Variants in PTPRN2 observed in about 807,000 individuals in gnomAD.
PTPRN2 encodes the protein receptor-type tyrosine-protein phosphatase N2.
Under a neutral mutation model 118.8 loss-of-function variants are expected in PTPRN2, and 74 were observed. The ratio of observed to expected loss-of-function variants is 0.62; its 90% CI spans 0.52 to 0.76. The LOEUF (loss-of-function observed/expected upper bound fraction) is 0.76, where lower values mean the gene tolerates loss of function less well. PTPRN2 is among the 30% of genes least tolerant of loss of function. PTPRN2 has a pLI of 0.00. For missense variants in PTPRN2, 1,481 were observed against 1,394.4 expected (o/e 1.06, Z -0.99); for synonymous variants, 641 against 608.0 (o/e 1.05, Z -0.80).
intron 11 of PTPRN2, chr7:158,029,285 G>T (rs903241070): frequency 6.6e-6 from 1 of 152,094 alleles, no homozygotes; most frequent in African/African-American, 2.4e-5. Context: ...AGGGCATGGG[G>T]TTCATATCCT....
chr7:157,545,887 G>A (rs1055899306), intron 22 of PTPRN2, among the ~76,000 whole-genome samples: 1 of 152,168 alleles, frequency 6.6e-6, no homozygotes, highest in African/African-American at 2.4e-5. Context: ...CCTCCTCTTG[G>A]CTTCGTAGAA....
chr7:158,140,269 G>A (rs1423961205), intron 6 of PTPRN2, among the ~76,000 whole-genome samples: 2 of 152,214 alleles, frequency 1.3e-5, no homozygotes, highest in African/African-American at 2.4e-5. Flanking sequence ...CGAGGAGACT[G>A]TTTCAAAGGC....
chr7:157,746,820 C>T (rs1044276544), intron 12 of PTPRN2, among the ~76,000 whole-genome samples: 10 of 152,052 alleles, frequency 6.6e-5, no homozygotes, highest in African/African-American at 9.7e-5. Flanking sequence ...TGTGGGAATC[C>T]GCATGTGTTG....
chr7:157,686,399 T>A (rs2150820510), intron 12 of PTPRN2, among the ~76,000 whole-genome samples: 1 of 152,348 alleles, frequency 6.6e-6, no homozygotes, highest in Middle Eastern at 3.4e-3. Flanking sequence ...AACTTTACAA[T>A]GACTTGACTC....
At chr7:157,666,445 T>C (rs1186395948) in intron 13 of PTPRN2, among the ~76,000 whole-genome samples, 1 of 151,478 alleles carries the variant, frequency 6.6e-6, no homozygotes, top group African/African-American at 2.4e-5. Flanking sequence ...AAAATATCAA[T>C]GATTATAATG....
intron 12 of PTPRN2, among the ~76,000 whole-genome samples, chr7:157,747,833 T>TG: frequency 2.3e-5 from 3 of 133,258 alleles, no homozygotes; most frequent in Non-Finnish European, 3.2e-5. Context: ...GTCCCTGAGC[T>TG]TTGGGCTGTC....
intron 3 of PTPRN2, among the ~76,000 whole-genome samples, chr7:158,312,196 ACT>A (rs369705116): frequency 1.0e-5 from 1 of 98,078 alleles, no homozygotes; most frequent in Non-Finnish European, 2.2e-5. Flanking sequence ...ATGTGTAGAC[ACT>A]CACATGCACA....
chr7:158,421,800 G>A (rs541026555), intron 2 of PTPRN2, among the ~76,000 whole-genome samples: 1 of 152,290 alleles, frequency 6.6e-6, no homozygotes, highest in South Asian at 2.1e-4. Context: ...AAATTAAAAA[G>A]TTTTACATTT....
chr7:158,090,112 C>G lies in PTPRN2; in HGVS notation c.1644-8735G>C, dbSNP rs1258602498. On this transcript the variant is annotated intron_variant, in intron 10 of 22. Coordinates refer to ENST00000389418, the MANE Select transcript of PTPRN2 (RefSeq NM_002847.5). ...GGTCTTCACACACATCCTTCTTCCC[C>G]TGACAAAAGAGGGAGTCTTCACACA... is the stretch of plus-strand genomic sequence containing the variant. Among the ~76,000 whole-genome samples the G allele has an allele frequency of 4.2e-5, 6 of 142,686 alleles. 3 individuals carry two copies. Among genetic ancestry groups the G allele is most frequent in the African/African-American group, 1.6e-4 (6 of 37,100 alleles). 93.6% of individuals were successfully genotyped at this position (142,686 alleles called of 152,430 possible).
chr7:158,527,374 C>T (rs55919845), intron 1 of PTPRN2, among the ~76,000 whole-genome samples: 6,166 of 152,258 alleles, frequency 0.04, 437 homozygotes, highest in African/African-American at 0.14. Context: ...CCTGCGTCTC[C>T]GTGTCCAGTC....
chr7:157,564,031 G>A (rs1248981899), intron 21 of PTPRN2, among the ~76,000 whole-genome samples: 1 of 152,208 alleles, frequency 6.6e-6, no homozygotes, highest in Admixed American at 6.5e-5. Context: ...GCCCTTAAAA[G>A]TTAAGAGAAT....
intron 9 of PTPRN2, among the ~76,000 whole-genome samples, chr7:158,128,105 C>A (rs185992916): frequency 6.6e-6 from 1 of 152,248 alleles, no homozygotes; most frequent in African/African-American, 2.4e-5. Context: ...TGTGGGACAA[C>A]CAAATGTACA....
intron 14 of PTPRN2, among the ~76,000 whole-genome samples, chr7:157,642,697 G>A (rs1804748748): frequency 6.6e-6 from 1 of 151,626 alleles, no homozygotes. Flanking sequence ...CTTTTACCAA[G>A]TTTAATGTTT....
rs187145794 is a variant in PTPRN2, at chr7:158,161,909, A to G, written c.910+5022T>C. Among the ~76,000 whole-genome samples, 14 of 152,376 alleles carry G rather than the reference A, an allele frequency of 9.2e-5. No individual in the cohort carries two copies. The East Asian group carries it at 2.7e-3, about 29-fold the overall frequency. The stretch of plus-strand genomic sequence containing the variant: ...CAACAATAAGAAAACAAACAGCCTA[A>G]TTAAAACATGGCCCAGAGACCACCA... On this transcript the variant is annotated intron_variant, in intron 6 of 22. Transcript: ENST00000389418.
At chr7:158,270,841 T>TCCTC (rs1161533613) in intron 3 of PTPRN2, among the ~76,000 whole-genome samples, 1 of 4,588 alleles carries the variant, frequency 2.2e-4, no homozygotes. Flanking sequence ...GATGACCCCC[T>TCCTC]CACCTGGACC....
At chr7:157,657,769 CA>C in intron 13 of PTPRN2, among the ~76,000 whole-genome samples, 1 of 135,118 alleles carries the variant, frequency 7.4e-6, no homozygotes, top group Non-Finnish European at 1.6e-5. Flanking sequence ...ACACACCACA[CA>C]CATCACACAT....
At chr7:158,062,602 C>A (rs1017722244) in intron 11 of PTPRN2, among the ~76,000 whole-genome samples, 1 of 152,026 alleles carries the variant, frequency 6.6e-6, no homozygotes, top group Non-Finnish European at 1.5e-5. Flanking sequence ...TGGGGCTGTG[C>A]GTGGTGCTCA....
intron 13 of PTPRN2, among the ~76,000 whole-genome samples, chr7:157,677,917 C>T (rs1276140695): frequency 1.3e-5 from 2 of 152,176 alleles, no homozygotes; most frequent in African/African-American, 4.8e-5. Context: ...CTTGCCCTCC[C>T]GGGGCCTGGA....
At chr7:157,980,963 G>A (rs542312330) in intron 11 of PTPRN2, among the ~76,000 whole-genome samples, 12 of 150,720 alleles carry the variant, frequency 8.0e-5, no homozygotes, top group Middle Eastern at 3.4e-3. Flanking sequence ...ACCAAACCCC[G>A]CCTCCCACAC....
Sources: allele counts gnomAD v4.1 joint callset (sites outside exome capture counted in the v4.1 genomes callset), GRCh38; gene constraint gnomAD v4.1.1; transcripts MANE v1.5; gene names NCBI Gene and HGNC (gene_info 2026-07-23, HGNC 2026-07-21).